SYT11: variants seen among roughly 807,000 people sequenced by gnomAD.
The protein encoded by SYT11 is synaptotagmin 11.
Under a neutral mutation model 30.4 loss-of-function variants are expected in SYT11, and 12 were observed. The ratio of observed to expected loss-of-function variants is 0.39; its 90% confidence interval spans 0.25 to 0.64. The LOEUF (loss-of-function observed/expected upper bound fraction) is 0.64. Ranked by LOEUF, SYT11 falls within the 30% of genes least tolerant of loss-of-function variation. SYT11 has a pLI of 0.45. For synonymous variants in SYT11, 204 were observed against 216.0 expected (o/e 0.94, Z 0.49); for missense variants, 412 against 552.0 (o/e 0.75, Z 2.54).
chr1:155,864,755 G>C (rs1158836146), intron 1 of SYT11, among the ~76,000 whole-genome samples: 2 of 133,012 alleles, frequency 1.5e-5, no homozygotes, highest in South Asian at 2.3e-4. Context: ...CTGTCACCCA[G>C]AATGGAGTGC....
Position 155,860,676 on chromosome 1 carries a change from C to A in SYT11, c.34+881C>A, listed in dbSNP as rs1672552342. On this transcript the variant is annotated intron_variant, in intron 1 of 3. Transcript: ENST00000368324. The surrounding 1 kb of genome is among the most constrained non-coding windows in gnomAD (Gnocchi z 4.1). ...TTGTGTACCGCAGAAAGCATTACGTCATTTCAGAGCGGCTGGTCCCCGACC... is the reference window on the plus strand; with the variant it reads ...TTGTGTACCGCAGAAAGCATTACGTAATTTCAGAGCGGCTGGTCCCCGACC... 6.6e-6 allele frequency among the ~76,000 whole-genome samples: 1 copy of A among 152,194 alleles called. No individual in the cohort carries two copies. Among genetic ancestry groups the A allele is most frequent in the African/African-American group, 2.4e-5 (1 of 41,448 alleles).
intron 1 of SYT11, 30 bp from the exon 2 acceptor site, chr1:155,867,935 C>G (rs780283007): frequency 6.4e-7 from 1 of 1,555,734 alleles, no homozygotes; most frequent in Non-Finnish European, 8.7e-7. Context: ...AGTCCACCCG[C>G]CCTGACACAT....
At position 155,871,947 on chromosome 1, in the gene SYT11, G is replaced by A. The variant is rs376243257; in HGVS notation, c.861+3156G>A. Among the ~76,000 whole-genome samples, 5 of 152,248 alleles carry A rather than the reference G, an allele frequency of 3.3e-5. No homozygotes were observed. In the East Asian group the frequency reaches 5.8e-4, roughly 18 times the overall value. On this transcript the variant is annotated intron_variant, in intron 2 of 3. Transcript: ENST00000368324. Reference sequence around the variant, plus strand: ...AAAGTAGGATCTCTCCTTGGTGAACGTCAGCTAGAGCTGCCCTGGACCATG... The same window carrying A: ...AAAGTAGGATCTCTCCTTGGTGAACATCAGCTAGAGCTGCCCTGGACCATG...
intron 2 of SYT11, among the ~76,000 whole-genome samples, chr1:155,875,565 C>T (rs983081526): frequency 6.6e-6 from 1 of 151,976 alleles, no homozygotes; most frequent in Non-Finnish European, 1.5e-5. Context: ...CATCATGCCC[C>T]ACTAATTTTT....
intron 1 of SYT11, among the ~76,000 whole-genome samples, chr1:155,862,831 C>T (rs78735443): frequency 0.036 from 5,486 of 152,296 alleles, 147 homozygotes; most frequent in Non-Finnish European, 0.048. Flanking sequence ...AAACAATTTG[C>T]AGGAAAGCAC....
rs117184529 is a variant in SYT11, at chr1:155,871,386, A to G, written c.861+2595A>G. 7.4e-4 allele frequency among the ~76,000 whole-genome samples: 112 copies of G among 152,166 alleles called. 1 individual carries two copies. The East Asian group carries it at 0.018, about 24-fold the overall frequency. On this transcript the variant is annotated intron_variant, in intron 2 of 3. Transcript: ENST00000368324. ...CTCTCCTTGAAGGAGGAGCCTTTCC[A>G]ATACACCCTTCCCTGTGACTCCAAC...
At chr1:155,863,086 A>G (rs923164454) in intron 1 of SYT11, among the ~76,000 whole-genome samples, 1 of 152,148 alleles carries the variant, frequency 6.6e-6, no homozygotes, top group Non-Finnish European at 1.5e-5. Context: ...ACTAAACACT[A>G]TTATTATTCG....
At chr1:155,874,445 CA>C (rs1557949098) in intron 2 of SYT11, among the ~76,000 whole-genome samples, 1 of 151,638 alleles carries the variant, frequency 6.6e-6, no homozygotes, top group Admixed American at 6.6e-5. Context: ...ACCAAGAATA[CA>C]AAAATTAGCT....
At chr1:155,869,440 T>G (rs898485522) in intron 2 of SYT11, among the ~76,000 whole-genome samples, 1 of 151,824 alleles carries the variant, frequency 6.6e-6, no homozygotes, top group Non-Finnish European at 1.5e-5. Context: ...CTGGCTAATT[T>G]TTTGTATTTT....
At chr1:155,877,552 A>AT (rs1447041422) in intron 2 of SYT11, among the ~76,000 whole-genome samples, 1 of 135,962 alleles carries the variant, frequency 7.4e-6, no homozygotes, top group East Asian at 3.1e-4. Context: ...GCGCCCAGCT[A>AT]ATTTTTTTTT....
intron 2 of SYT11, among the ~76,000 whole-genome samples, chr1:155,880,001 C>A (rs1169995219): frequency 6.6e-6 from 1 of 152,064 alleles, no homozygotes; most frequent in Non-Finnish European, 1.5e-5. Flanking sequence ...CAAGACCAGC[C>A]TGGGCTACAC....
chr1:155,866,616 T>A (rs1672680970), intron 1 of SYT11, among the ~76,000 whole-genome samples: 1 of 152,144 alleles, frequency 6.6e-6, no homozygotes, highest in Non-Finnish European at 1.5e-5. Context: ...TTTTATATAT[T>A]TTTTTCTTAC....
chr1:155,873,714 C>T (rs1672815846), intron 2 of SYT11, among the ~76,000 whole-genome samples: 1 of 152,070 alleles, frequency 6.6e-6, no homozygotes, highest in South Asian at 2.1e-4. Context: ...AGCTACATGT[C>T]GCTATTGAGC....
intron 2 of SYT11, among the ~76,000 whole-genome samples, chr1:155,875,568 T>A (rs953926230): frequency 6.6e-6 from 1 of 152,046 alleles, no homozygotes; most frequent in Non-Finnish European, 1.5e-5. Context: ...CATGCCCCAC[T>A]AATTTTTTGT....
chr1:155,862,354 T>C (rs954015974), intron 1 of SYT11, among the ~76,000 whole-genome samples: 4 of 152,224 alleles, frequency 2.6e-5, no homozygotes, highest in African/African-American at 9.6e-5. Flanking sequence ...CAGAGAGCTC[T>C]AGGTTTTAAT....
In SYT11 at chr1:155,884,016, G is replaced by T. The variant is rs1221949447; in HGVS notation, c.*2508G>T. 6.6e-6 allele frequency: 1 copy of T among 152,488 alleles called. No homozygotes were observed. The highest frequency in any genetic ancestry group is 2.4e-5 in the African/African-American group (1 of 41,378). The allele number at this position is 152,488 out of a possible 1,614,324, so 9.4% of individuals were successfully genotyped here. On this transcript the variant is annotated 3_prime_UTR_variant, in exon 4 of 4. Coordinates refer to ENST00000368324, the MANE Select transcript of SYT11 (RefSeq NM_152280.5). ...TGTAAATACTGTATCATAAGTAGAA[G>T]AAAATAATTTTTGTTTTCTAAAAAT...
At chr1:155,863,962 T>A (rs1324471747) in intron 1 of SYT11, among the ~76,000 whole-genome samples, 2 of 152,108 alleles carry the variant, frequency 1.3e-5, no homozygotes, top group Admixed American at 1.3e-4. Flanking sequence ...ATGCCTGTAG[T>A]CCTAGTTCCT....
In SYT11 at chr1:155,881,654, T is replaced by A; in HGVS notation, c.*146T>A. The A allele has an allele frequency of 1.5e-6, 1 of 677,746 alleles. No individual in the cohort carries two copies. The highest frequency in any genetic ancestry group is 2.1e-5 in the South Asian group (1 of 47,998). The allele number at this position is 677,746 out of a possible 1,614,324, so 42.0% of individuals were successfully genotyped here. A position where few individuals can be genotyped will look rare whatever the true frequency, so the allele number is the denominator to read the frequency against. ...AACAAATTCCACAAAGAACACCCTA[T>A]ATGACCACAGCTGCAGATCAGTTCT... is the stretch of plus-strand genomic sequence containing the variant. On this transcript the variant is annotated 3_prime_UTR_variant, in exon 4 of 4. Transcript: ENST00000368324.
chr1:155,880,651 A>C, intron 3 of SYT11, 28 bp downstream of exon 3: 1 of 1,612,516 alleles, frequency 6.2e-7, no homozygotes, highest in East Asian at 2.2e-5. Context: ...CCTATTTCTT[A>C]CTGTCTGAAC....
Sources: gnomAD v4.1 joint callset for allele counts (sites outside exome capture counted in the v4.1 genomes callset) on GRCh38, gnomAD v4.1.1 for gene constraint, Gnocchi (gnomAD v3.1) non-coding constraint, MANE v1.5 for transcripts, NCBI Gene and HGNC (gene_info 2026-07-23, HGNC 2026-07-21) for gene names.